The following PAPPA variants were observed in gnomAD, a reference collection of about 807,000 sequenced individuals.
PAPPA encodes pappalysin 1.
A neutral mutation model predicts 164.0 loss-of-function variants in PAPPA; 60 were observed. The observed-to-expected ratio is 0.37, with a 90% CI of 0.30 to 0.45. The LOEUF is 0.45. Among genes scored for constraint, PAPPA ranks in the 20% least tolerant of loss-of-function variants. PAPPA has a pLI of 1.00. For synonymous variants in PAPPA, 875 were observed against 814.1 expected (o/e 1.07, Z -1.27); for missense variants, 1,782 against 2,087.3 (o/e 0.85, Z 2.85).
intron 10 of PAPPA, among the ~76,000 whole-genome samples, chr9:116,306,521 T>G (rs1300082907): frequency 6.6e-6 from 1 of 152,184 alleles, no homozygotes; most frequent in Non-Finnish European, 1.5e-5. Flanking sequence ...GTTGTGCAAA[T>G]TGGGTTGAAC....
chr9:116,244,066 A>G (rs528293259), intron 7 of PAPPA, among the ~76,000 whole-genome samples: 22 of 152,276 alleles, frequency 1.4e-4, no homozygotes, highest in Admixed American at 1.1e-3. Context: ...ACTCCCTCTC[A>G]TCAGTCTTGG....
In PAPPA at chr9:116,289,770, G is replaced by T. The variant is rs1162397698; in HGVS notation, c.2954-12987G>T. Among the ~76,000 whole-genome samples, 3 of 152,158 alleles carry T rather than the reference G, an allele frequency of 2.0e-5. 1 individual carries two copies. The highest frequency in any genetic ancestry group is 4.8e-5 in the African/African-American group (2 of 41,424). On this transcript the variant is annotated intron_variant, in intron 9 of 21. Transcript: ENST00000328252. ...TGCAACAATGCACACAACAGCCTAT[G>T]TTTCTGCTCTCAAGGAGTTGCCATT...
chr9:116,261,653 G>A (rs1845002894), intron 7 of PAPPA, among the ~76,000 whole-genome samples: 1 of 152,030 alleles, frequency 6.6e-6, no homozygotes, highest in African/African-American at 2.4e-5. Context: ...CCCTCCTTAT[G>A]TATATATTAA....
chr9:116,264,577 G>T (rs75816105), intron 7 of PAPPA, among the ~76,000 whole-genome samples: 4 of 152,066 alleles, frequency 2.6e-5, no homozygotes, highest in African/African-American at 9.7e-5. Context: ...TTATCTTGTT[G>T]GCCTTAACCA....
chr9:116,270,906 G>A (rs2118825019), intron 8 of PAPPA, among the ~76,000 whole-genome samples: 1 of 152,264 alleles, frequency 6.6e-6, no homozygotes, highest in Non-Finnish European at 1.5e-5. Context: ...AAGGCAGGGA[G>A]TGGTGAAGGA....
chr9:116,385,298 A>G (rs4612435), intron 21 of PAPPA, among the ~76,000 whole-genome samples: 116,512 of 150,948 alleles, frequency 0.77, 45,218 homozygotes, highest in African/African-American at 0.85. Context: ...TTTGGAATCC[A>G]CACCTGAACC....
chr9:116,229,938 C>T (rs1239545874), intron 6 of PAPPA, among the ~76,000 whole-genome samples: 3 of 152,214 alleles, frequency 2.0e-5, no homozygotes, highest in Non-Finnish European at 4.4e-5. Context: ...TGTTCTACCA[C>T]TTGTTTGAAT....
chr9:116,287,788 C>T (rs1049283560), intron 9 of PAPPA, among the ~76,000 whole-genome samples: 7 of 152,174 alleles, frequency 4.6e-5, no homozygotes, highest in African/African-American at 1.7e-4. Context: ...TGACCATATC[C>T]TACCACATCA....
chr9:116,385,731 T>C (rs1013047874), intron 21 of PAPPA, among the ~76,000 whole-genome samples: 1 of 152,262 alleles, frequency 6.6e-6, no homozygotes, highest in Non-Finnish European at 1.5e-5. Context: ...TTTCTTCTTG[T>C]TGGCTGAGGG....
chr9:116,325,253 T>G (rs1332983108), intron 10 of PAPPA, among the ~76,000 whole-genome samples: 2 of 152,176 alleles, frequency 1.3e-5, no homozygotes, highest in African/African-American at 4.8e-5. Flanking sequence ...CTGAGCCTCA[T>G]TTTCTCACCA....
At chr9:116,285,171 C>CTTTCTTTT (rs1186068742) in intron 9 of PAPPA, among the ~76,000 whole-genome samples, 2 of 89,484 alleles carry the variant, frequency 2.2e-5, no homozygotes, top group African/African-American at 4.5e-5. Flanking sequence ...TTCTTTCTTT[C>CTTTCTTTT]TTTTTTTTTT....
intron 21 of PAPPA, among the ~76,000 whole-genome samples, chr9:116,388,330 G>T (rs1846843284): frequency 6.6e-6 from 1 of 152,166 alleles, no homozygotes; most frequent in African/African-American, 2.4e-5. Flanking sequence ...CAGAATGGTT[G>T]CTCCAGTGGT....
chr9:116,370,032 G>A (rs1215710734), intron 19 of PAPPA, among the ~76,000 whole-genome samples: 2 of 152,158 alleles, frequency 1.3e-5, no homozygotes, highest in Non-Finnish European at 2.9e-5. Flanking sequence ...TAGAGCTGCT[G>A]GTGCCAGCAT....
chr9:116,173,648 T>C (rs1404630548), intron 1 of PAPPA, among the ~76,000 whole-genome samples: 1 of 152,192 alleles, frequency 6.6e-6, no homozygotes, highest in Non-Finnish European at 1.5e-5. Context: ...ATCTTTCTCA[T>C]CTCGAGAGTG....
chr9:116,380,260 A>C (rs1846710576), intron 20 of PAPPA, among the ~76,000 whole-genome samples: 1 of 152,022 alleles, frequency 6.6e-6, no homozygotes, highest in Non-Finnish European at 1.5e-5. Flanking sequence ...ACATCGTAGG[A>C]ATTAAATACA....
intron 19 of PAPPA, among the ~76,000 whole-genome samples, chr9:116,369,747 C>A (rs962234283): frequency 3.3e-5 from 5 of 151,808 alleles, no homozygotes; most frequent in East Asian, 3.9e-4. Flanking sequence ...TGCAAGCTGC[C>A]CCCCCTCCCC....
rs2118956517 is a variant in PAPPA at position 116,334,927 on chromosome 9, C to T, written c.3464C>T (p.Pro1155Leu). ...CCTGTGGTCCATGACCTCAGCCAGC[C>T]CTTCTACCACAGCCAGGCGGTACGT... ...IIPVVHDLSQ[P>L]FYHSQAVRVS... is the part of the protein sequence containing the mutation. The change falls in exon 13 of 22, where the codon CCC (proline) becomes CTC (leucine). Residue 1155 changes from proline (P) to leucine (L), a missense_variant. Coordinates refer to ENST00000328252, the MANE Select transcript of PAPPA (RefSeq NM_002581.5). The T allele has an allele frequency of 6.2e-7, 1 of 1,613,892 alleles. No individual in the cohort carries two copies. Among genetic ancestry groups the T allele is most frequent in the Non-Finnish European group, 8.5e-7 (1 of 1,179,964 alleles).
chr9:116,234,512 C>G (rs1034384513), intron 6 of PAPPA, among the ~76,000 whole-genome samples: 3 of 152,100 alleles, frequency 2.0e-5, no homozygotes, highest in Admixed American at 1.3e-4. Flanking sequence ...TTATGCTCAC[C>G]TATTCTTTGC....
chr9:116,375,114 G>A (rs1383510204), intron 19 of PAPPA, among the ~76,000 whole-genome samples: 2 of 152,186 alleles, frequency 1.3e-5, no homozygotes, highest in East Asian at 1.9e-4. Flanking sequence ...ACAAGTCTAT[G>A]ATGTTTTCAG....
Sources: allele counts gnomAD v4.1 joint callset (sites outside exome capture counted in the v4.1 genomes callset), GRCh38; gene constraint gnomAD v4.1.1; transcripts MANE v1.5; gene names NCBI Gene and HGNC (gene_info 2026-07-23, HGNC 2026-07-21).